CREB3L2: variants seen among roughly 807,000 people sequenced by gnomAD.
The protein encoded by CREB3L2 is cAMP responsive element binding protein 3 like 2, also known as cyclic AMP-responsive element-binding protein 3-like protein 2.
CREB3L2 carries 23 observed loss-of-function variants against 57.2 expected under a neutral mutation model. That is an observed-to-expected ratio of 0.40 (90% CI 0.29 to 0.57). CREB3L2 has a LOEUF of 0.57. Among genes scored for constraint, CREB3L2 ranks in the 20% least tolerant of loss-of-function variants. The probability of loss-of-function intolerance (pLI) is 0.42; values close to 1 mark genes in which losing one functional copy is unlikely to be tolerated. For missense variants in CREB3L2, 628 were observed against 634.7 expected, an observed-to-expected ratio of 0.99 and a Z score of 0.11; for synonymous variants, 268 against 265.1, an observed-to-expected ratio of 1.01 and a Z score of -0.11.
chr7:137,918,377 G>T lies in CREB3L2; in HGVS notation c.320-2365C>A, dbSNP rs138761774. ...AGCTAATTTTTATATTTTTAGTAGA[G>T]ACGGGGTTTTGTCATGTTGACCAGG... On this transcript the variant is annotated intron_variant, in intron 2 of 11. Coordinates refer to ENST00000330387, the MANE Select transcript of CREB3L2 (RefSeq NM_194071.4). 5.6e-3 allele frequency among the ~76,000 whole-genome samples: 858 copies of T among 152,208 alleles called. 13 individuals are homozygous for T. The highest frequency in any genetic ancestry group is 0.02 in the African/African-American group (823 of 41,528).
chr7:137,902,230 A>AGTGCC (rs1431435992), intron 7 of CREB3L2, among the ~76,000 whole-genome samples: 2 of 144,960 alleles, frequency 1.4e-5, no homozygotes, highest in Non-Finnish European at 3.0e-5. Flanking sequence ...CTGAGTGATG[A>AGTGCC]GTGCCTGAAT....
intron 1 of CREB3L2, among the ~76,000 whole-genome samples, chr7:137,996,008 C>A (rs1801983915): frequency 6.6e-6 from 1 of 152,142 alleles, no homozygotes. Context: ...AGATCATAGA[C>A]AAATTAGCAA....
chr7:138,001,082 A>AACACACACACACACACACAC lies in CREB3L2; in HGVS notation c.102+502_102+521dup, dbSNP rs59967148. ...CTCCCTAACGTAGAGGAGCCCTTTC[A>AACACACACACACACACACAC]ACACACACACACACACACACACACA... On this transcript the variant is annotated intron_variant, in intron 1 of 11. Transcript: ENST00000330387. This position sits in a 1 kb window ranked among gnomAD's most constrained non-coding sequence, Gnocchi z 4.2. Among the ~76,000 whole-genome samples the AACACACACACACACACACAC allele has an allele frequency of 5.8e-5, 8 of 136,812 alleles. No individual in the cohort carries two copies. Among genetic ancestry groups the AACACACACACACACACACAC allele is most frequent in the East Asian group, 4.4e-4 (2 of 4,536 alleles). 89.8% of individuals were successfully genotyped at this position (136,812 alleles called of 152,430 possible).
At chr7:137,952,237 T>C (rs1225572147) in intron 1 of CREB3L2, among the ~76,000 whole-genome samples, 2 of 152,150 alleles carry the variant, frequency 1.3e-5, no homozygotes, top group Non-Finnish European at 2.9e-5. Context: ...AGAGGCCTGG[T>C]GAGGTTTGAT....
intron 1 of CREB3L2, among the ~76,000 whole-genome samples, chr7:137,991,444 G>A (rs67341375): frequency 0.14 from 21,974 of 151,810 alleles, 1,979 homozygotes; most frequent in South Asian, 0.3. Context: ...GATTACAGGC[G>A]TGAGCCACCG....
chr7:137,983,822 C>G (rs1184340076), intron 1 of CREB3L2, among the ~76,000 whole-genome samples: 1 of 152,212 alleles, frequency 6.6e-6, no homozygotes, highest in Non-Finnish European at 1.5e-5. Context: ...TTCCAGAAGG[C>G]TGGATTCCAG....
intron 1 of CREB3L2, among the ~76,000 whole-genome samples, chr7:137,994,250 G>A (rs1391022023): frequency 2.0e-5 from 3 of 152,214 alleles, no homozygotes; most frequent in Admixed American, 2.0e-4. Context: ...ACAGCGTAGA[G>A]CCATGTCAGG....
At chr7:137,911,081 T>C (rs1182775232) in intron 4 of CREB3L2, among the ~76,000 whole-genome samples, 14 of 152,186 alleles carry the variant, frequency 9.2e-5, no homozygotes, top group Admixed American at 5.9e-4. Context: ...CATCACAGCA[T>C]AAATTAAAAG....
At position 137,880,134 on chromosome 7, in the gene CREB3L2, G is replaced by A. The variant is rs535796664; in HGVS notation, c.*342C>T. On this transcript the variant is annotated 3_prime_UTR_variant, in exon 12 of 12. Transcript: ENST00000330387. The surrounding 1 kb of genome is among the most constrained non-coding windows in gnomAD (Gnocchi z 4.0). ...ACAAGAGCCATCTCGTCTCCAAAGC[G>A]GGGGGTTACACCTCACAGGTGCACA... The A allele has an allele frequency of 2.6e-5, 9 of 349,136 alleles. No homozygotes were observed. The highest frequency in any genetic ancestry group is 6.1e-5 in the African/African-American group (3 of 48,904). 21.6% of individuals were successfully genotyped at this position (349,136 alleles called of 1,614,324 possible). A position where few individuals can be genotyped will look rare whatever the true frequency, so the allele number is the denominator to read the frequency against.
chr7:137,939,327 C>T (rs912039817), intron 1 of CREB3L2, among the ~76,000 whole-genome samples: 9 of 152,144 alleles, frequency 5.9e-5, no homozygotes, highest in South Asian at 2.1e-4. Context: ...TTCCCAGGCA[C>T]GTTCGGCATA....
chr7:137,993,793 C>T (rs1801940901), intron 1 of CREB3L2, among the ~76,000 whole-genome samples: 1 of 152,228 alleles, frequency 6.6e-6, no homozygotes, highest in Non-Finnish European at 1.5e-5. Flanking sequence ...ATTCTCTGGG[C>T]ATCCTGCACT....
chr7:137,889,960 A>G lies in CREB3L2; in HGVS notation c.1044-4458T>C, dbSNP rs143557212. 2.6e-5 allele frequency among the ~76,000 whole-genome samples: 4 copies of G among 152,316 alleles called. No individual in the cohort carries two copies. In the East Asian group the frequency reaches 7.7e-4, roughly 29 times the overall value. On this transcript the variant is annotated intron_variant, in intron 8 of 11. Transcript: ENST00000330387. Reference sequence around the variant, plus strand: ...CTATCTGACCCCATAGCTTGTGTACATTCCAACATGGTACAGCATGGTACC... The same window carrying G: ...CTATCTGACCCCATAGCTTGTGTACGTTCCAACATGGTACAGCATGGTACC...
At chr7:137,939,397 C>T (rs930948003) in intron 1 of CREB3L2, among the ~76,000 whole-genome samples, 4 of 152,126 alleles carry the variant, frequency 2.6e-5, no homozygotes, top group Non-Finnish European at 5.9e-5. Flanking sequence ...TCTAATTGTT[C>T]CCCAAAAATG....
chr7:137,951,915 A>T (rs1801110539), intron 1 of CREB3L2, among the ~76,000 whole-genome samples: 1 of 152,152 alleles, frequency 6.6e-6, no homozygotes, highest in Non-Finnish European at 1.5e-5. Context: ...GCTTAAGCCC[A>T]GGAGGTGGAG....
At chr7:137,963,158 C>G (rs1012337914) in intron 1 of CREB3L2, among the ~76,000 whole-genome samples, 1 of 152,202 alleles carries the variant, frequency 6.6e-6, no homozygotes, top group Non-Finnish European at 1.5e-5. Context: ...TGGTCTATGT[C>G]ATCCTCAGAT....
intron 1 of CREB3L2, among the ~76,000 whole-genome samples, chr7:137,952,662 A>G (rs1011043665): frequency 2.0e-5 from 3 of 152,012 alleles, no homozygotes; most frequent in Admixed American, 2.0e-4. Context: ...ACTCTACCAC[A>G]CCTAGAAGGA....
intron 4 of CREB3L2, among the ~76,000 whole-genome samples, chr7:137,909,475 C>T (rs1799960484): frequency 6.6e-6 from 1 of 152,170 alleles, no homozygotes; most frequent in Non-Finnish European, 1.5e-5. Flanking sequence ...TTCTGTTGTA[C>T]CAGCCACTGC....
chr7:137,914,802 A>C (rs1468409191), intron 3 of CREB3L2, among the ~76,000 whole-genome samples: 1 of 152,198 alleles, frequency 6.6e-6, no homozygotes, highest in Non-Finnish European at 1.5e-5. Flanking sequence ...AGATGGACTG[A>C]CAAGGGAGTA....
chr7:137,930,926 T>TA lies in CREB3L2; in HGVS notation c.103-2561_103-2560insT, dbSNP rs775388497. On this transcript the variant is annotated intron_variant, in intron 1 of 11. Transcript: ENST00000330387. Reference sequence around the variant, plus strand: ...ATGAACAATTATGTAGTCATTCCTTTTAAAAAAAAAAAAAAAGAAACTGGG... The same window carrying TA: ...ATGAACAATTATGTAGTCATTCCTTTATAAAAAAAAAAAAAAAGAAACTGGG... Among the ~76,000 whole-genome samples the TA allele has an allele frequency of 2.9e-3, 312 of 105,812 alleles. 4 individuals are homozygous for TA. The highest frequency in any genetic ancestry group is 8.3e-3 in the African/African-American group (281 of 33,866). The allele number at this position is 105,812 out of a possible 152,430, so 69.4% of individuals were successfully genotyped here.
Sources: gnomAD v4.1 joint callset for allele counts (sites outside exome capture counted in the v4.1 genomes callset) on GRCh38, gnomAD v4.1.1 for gene constraint, Gnocchi (gnomAD v3.1) non-coding constraint, MANE v1.5 for transcripts, NCBI Gene and HGNC (gene_info 2026-07-23, HGNC 2026-07-21) for gene names.